GTF2IRD1: variants seen among roughly 807,000 people sequenced by gnomAD.
The protein encoded by GTF2IRD1 is general transcription factor II-I repeat domain-containing protein 1.
GTF2IRD1 carries 26 observed loss-of-function variants against 113.2 expected under a neutral mutation model. That is an observed-to-expected ratio of 0.23 (90% CI 0.17 to 0.32). GTF2IRD1 has a LOEUF of 0.32. Ranked by LOEUF, GTF2IRD1 falls within the 10% of genes least tolerant of loss-of-function variation. The pLI, the probability that GTF2IRD1 is intolerant of heterozygous loss-of-function variation, is 1.00. For synonymous variants in GTF2IRD1, 484 were observed against 529.1 expected, an observed-to-expected ratio of 0.91 and a Z score of 1.17; for missense variants, 864 against 1,280.8, an observed-to-expected ratio of 0.67 and a Z score of 4.97.
chr7:74,588,119 T>C (rs1801830721), intron 22 of GTF2IRD1, among the ~76,000 whole-genome samples: 1 of 149,770 alleles, frequency 6.7e-6, no homozygotes, highest in Non-Finnish European at 1.5e-5. Context: ...TTTTTTTTTT[T>C]TTTTTGAGAC....
intron 22 of GTF2IRD1, among the ~76,000 whole-genome samples, chr7:74,588,043 G>T (rs1248726063): frequency 6.6e-6 from 1 of 151,224 alleles, no homozygotes; most frequent in African/African-American, 2.4e-5. Context: ...CATCTCCCCT[G>T]TACCACCCCA....
At chr7:74,524,564 A>G (rs782211843) in intron 8 of GTF2IRD1, among the ~76,000 whole-genome samples, 1 of 151,924 alleles carries the variant, frequency 6.6e-6, no homozygotes, top group Non-Finnish European at 1.5e-5. Context: ...CCATCTCTAC[A>G]AAAACAAATT....
chr7:74,592,543 T>C (rs1332663633), intron 24 of GTF2IRD1, among the ~76,000 whole-genome samples: 3 of 151,124 alleles, frequency 2.0e-5, no homozygotes, highest in Admixed American at 6.6e-5. Context: ...TTCTTTCTTT[T>C]TTTTTTTTAA....
At chr7:74,537,557 C>T (rs1798372591) in intron 11 of GTF2IRD1, among the ~76,000 whole-genome samples, 2 of 152,168 alleles carry the variant, frequency 1.3e-5, no homozygotes, top group South Asian at 2.1e-4. Context: ...CCCACCAGAC[C>T]CTGCCCCCAG....
At chr7:74,536,353 A>G in intron 11 of GTF2IRD1, 78 bp downstream of exon 11, 1 of 856,006 alleles carries the variant, frequency 1.2e-6, no homozygotes, top group South Asian at 1.5e-5. Flanking sequence ...GCAAGGGGGT[A>G]CCCAGGGCGG....
intron 1 of GTF2IRD1, among the ~76,000 whole-genome samples, chr7:74,469,850 C>G (rs1213461864): frequency 6.7e-6 from 1 of 149,894 alleles, no homozygotes; most frequent in Non-Finnish European, 1.5e-5. Context: ...ACTGCAGGCA[C>G]CAAGCCACCA....
intron 1 of GTF2IRD1, among the ~76,000 whole-genome samples, chr7:74,503,428 TG>T (rs1796137796): frequency 6.6e-6 from 1 of 152,172 alleles, no homozygotes; most frequent in Non-Finnish European, 1.5e-5. Context: ...CTCTGCCTTT[TG>T]GGGGCTTCAT....
intron 2 of GTF2IRD1, among the ~76,000 whole-genome samples, chr7:74,509,403 C>T (rs1480554829): frequency 6.6e-6 from 1 of 151,198 alleles, no homozygotes; most frequent in Admixed American, 6.6e-5. Context: ...CATGGTGGCA[C>T]ATTCCTGTAA....
chr7:74,576,253 T>C (rs1801054971), intron 22 of GTF2IRD1, among the ~76,000 whole-genome samples: 1 of 151,908 alleles, frequency 6.6e-6, no homozygotes, highest in Non-Finnish European at 1.5e-5. Context: ...AAATGAGTCT[T>C]CCAAGGCTAA....
chr7:74,533,304 T>C (rs1321601999), intron 9 of GTF2IRD1, among the ~76,000 whole-genome samples: 2 of 152,008 alleles, frequency 1.3e-5, no homozygotes, highest in African/African-American at 2.4e-5. Context: ...CTGGCTAGTT[T>C]TTGTATTTTT....
At chr7:74,504,612 C>A (rs782152603) in intron 1 of GTF2IRD1, among the ~76,000 whole-genome samples, 7 of 151,982 alleles carry the variant, frequency 4.6e-5, no homozygotes, top group Non-Finnish European at 8.8e-5. Context: ...CTGGCTGAGG[C>A]CTGGAGCTAG....
At chr7:74,598,084 G>A (rs782081603) in intron 25 of GTF2IRD1, among the ~76,000 whole-genome samples, 67 of 152,224 alleles carry the variant, frequency 4.4e-4, no homozygotes, top group Non-Finnish European at 6.8e-4. Flanking sequence ...TTAGCCAGGC[G>A]TGGTGGCGCG....
At chr7:74,570,849 G>T (rs1345955442) in intron 22 of GTF2IRD1, among the ~76,000 whole-genome samples, 2 of 152,108 alleles carry the variant, frequency 1.3e-5, no homozygotes, top group Non-Finnish European at 2.9e-5. Flanking sequence ...TTTTGGAGGG[G>T]CTGTGGGGAG....
chr7:74,588,171 G>C (rs1337824830), intron 22 of GTF2IRD1, among the ~76,000 whole-genome samples: 2 of 148,582 alleles, frequency 1.3e-5, no homozygotes, highest in African/African-American at 5.0e-5. Flanking sequence ...GCAGTGGCGC[G>C]ATCTCAGCTC....
At chr7:74,464,149 T>C (rs573553568) in intron 1 of GTF2IRD1, among the ~76,000 whole-genome samples, 3 of 152,306 alleles carry the variant, frequency 2.0e-5, no homozygotes, top group South Asian at 2.1e-4. Flanking sequence ...GTGAATGTTT[T>C]TGTGGCTAGA....
intron 22 of GTF2IRD1, among the ~76,000 whole-genome samples, chr7:74,587,609 C>A (rs1801791450): frequency 6.6e-6 from 1 of 152,100 alleles, no homozygotes; most frequent in South Asian, 2.1e-4. Context: ...GCCCATGTGA[C>A]CCCACGCTTC....
chr7:74,552,310 G>A (rs1489639559), intron 17 of GTF2IRD1, among the ~76,000 whole-genome samples: 1 of 152,036 alleles, frequency 6.6e-6, no homozygotes, highest in Non-Finnish European at 1.5e-5. Flanking sequence ...CCTGAGGTCA[G>A]AAGTTCGAGA....
intron 22 of GTF2IRD1, chr7:74,572,517 G>GT: frequency 1.1e-6 from 1 of 924,262 alleles, no homozygotes; most frequent in Non-Finnish European, 1.3e-6. Context: ...TCTTGGATGA[G>GT]TTAACTGTCT....
chr7:74,478,152 A>C (rs1458004565), intron 1 of GTF2IRD1, among the ~76,000 whole-genome samples: 1 of 152,226 alleles, frequency 6.6e-6, no homozygotes, highest in Non-Finnish European at 1.5e-5. Flanking sequence ...CCTGACCCCT[A>C]GCTGGGTGCC....
Sources: gnomAD v4.1 joint callset for allele counts (sites outside exome capture counted in the v4.1 genomes callset) on GRCh38, gnomAD v4.1.1 for gene constraint, MANE v1.5 for transcripts, NCBI Gene and HGNC (gene_info 2026-07-23, HGNC 2026-07-21) for gene names.